ACSL6: variants seen among roughly 807,000 people sequenced by gnomAD.
ACSL6 encodes acyl-CoA synthetase long chain family member 6, also known as long-chain-fatty-acid--CoA ligase 6.
In ACSL6, 47 loss-of-function variants were observed where a neutral mutation model predicts 98.2. The observed-to-expected ratio is 0.48, with a 90% CI of 0.38 to 0.61. ACSL6 has a LOEUF of 0.61. Among genes scored for constraint, ACSL6 ranks in the 20% least tolerant of loss-of-function variants. The pLI, the probability that ACSL6 is intolerant of heterozygous loss-of-function variation, is 0.00. For missense variants in ACSL6, 761 were observed against 913.4 expected (o/e 0.83, Z 2.15); for synonymous variants, 362 against 336.9 (o/e 1.07, Z -0.82).
intron 1 of ACSL6, among the ~76,000 whole-genome samples, chr5:132,005,877 A>G (rs1352944822): frequency 6.6e-6 from 1 of 152,228 alleles, no homozygotes; most frequent in Non-Finnish European, 1.5e-5. Flanking sequence ...AGAGCTGCCC[A>G]GTCAACCTGG....
rs1416719789 is a variant in ACSL6 at position 131,994,189 on chromosome 5, G to T, written c.112C>A (p.Pro38Thr). The T allele has an allele frequency of 6.2e-7, 1 of 1,614,086 alleles. No individual in the cohort carries two copies. Among genetic ancestry groups the T allele is most frequent in the Non-Finnish European group, 8.5e-7 (1 of 1,180,040 alleles). Residue 38 changes from proline to threonine, a missense_variant, in exon 2 of 21, where the codon CCT (proline) becomes ACT (threonine). Physicochemically the swap from Pro to Thr is conservative, Grantham distance 38. Coordinates refer to ENST00000651883, the MANE Select transcript of ACSL6 (RefSeq NM_001009185.3). ...AACTGTCCCAAGTCACCTAGCTCAG[G>T]CAGTCGCAGTATCCTCAGGATCTCC... is the stretch of plus-strand genomic sequence containing the variant. ...TQEILRILRLPELGDLGQFFR... is the reference protein window; with the variant it reads ...TQEILRILRLTELGDLGQFFR...
chr5:131,979,595 T>A (rs907144551), intron 9 of ACSL6, among the ~76,000 whole-genome samples: 1 of 152,260 alleles, frequency 6.6e-6, no homozygotes, highest in Non-Finnish European at 1.5e-5. Context: ...TTTATACATG[T>A]CTAATGGCAT....
rs1272441384 is a variant in ACSL6, at chr5:131,951,517, C to T, written c.*2717G>A. The T allele has an allele frequency of 1.5e-5, 3 of 199,344 alleles. No homozygotes were observed. Among genetic ancestry groups the T allele is most frequent in the African/African-American group, 6.9e-5 (3 of 43,390 alleles). The allele number at this position is 199,344 out of a possible 1,614,324, so 12.3% of individuals were successfully genotyped here. ...ATTGGCCCAAGTGTGATGATTTCCACATAGACCTGGAAATCTAGAAATATA... is the reference window on the plus strand; with the variant it reads ...ATTGGCCCAAGTGTGATGATTTCCATATAGACCTGGAAATCTAGAAATATA... On this transcript the variant is annotated 3_prime_UTR_variant, in exon 21 of 21. Transcript: ENST00000651883.
At chr5:132,003,296 C>A (rs769549597) in intron 1 of ACSL6, among the ~76,000 whole-genome samples, 1 of 152,168 alleles carries the variant, frequency 6.6e-6, no homozygotes. Context: ...GGAGGTCAGG[C>A]GGCACAGCAG....
At position 131,950,587 on chromosome 5, in the gene ACSL6, T is replaced by C. The variant is rs2149664897; in HGVS notation, c.*3647A>G. On this transcript the variant is annotated 3_prime_UTR_variant, in exon 21 of 21. Coordinates refer to ENST00000651883, the MANE Select transcript of ACSL6 (RefSeq NM_001009185.3). ...ATACGGTTATTCATTCTTTTTTTCC[T>C]GAGATATTAAGCACATTTGTAAGTA... 5.1e-6 allele frequency: 1 copy of C among 195,112 alleles called. No individual in the cohort carries two copies. The highest frequency in any genetic ancestry group is 1.1e-5 in the Non-Finnish European group (1 of 93,730). The allele number at this position is 195,112 out of a possible 1,614,324, so 12.1% of individuals were successfully genotyped here. A position where few individuals can be genotyped will look rare whatever the true frequency, so the allele number is the denominator to read the frequency against.
rs1753641374 is a variant in ACSL6 at position 131,976,729 on chromosome 5, A to G, written c.917-8T>C. 6.2e-7 allele frequency: 1 copy of G among 1,613,786 alleles called. No homozygotes were observed. The highest frequency in any genetic ancestry group is 2.2e-5 in the East Asian group (1 of 44,876). The stretch of plus-strand genomic sequence containing the variant: ...TCGCACCTTTTGGGTTCCCTATAAA[A>G]AGAAAGCAAGAAGTCAAATTAGTTG... On this transcript the variant is annotated splice_region_variant and splice_polypyrimidine_tract_variant and intron_variant, in intron 9 of 20. Transcript: ENST00000651883.
chr5:132,010,075 C>A (rs1336221936), intron 1 of ACSL6, among the ~76,000 whole-genome samples: 2 of 152,210 alleles, frequency 1.3e-5, no homozygotes, highest in African/African-American at 4.8e-5. Context: ...TTACCTCCAA[C>A]CCCAGCTCTA....
chr5:131,954,314 G>C lies in ACSL6; in HGVS notation c.2089C>G (p.Pro697Ala), dbSNP rs748227368. 10 of 1,613,780 alleles carry C rather than the reference G, an allele frequency of 6.2e-6. No individual in the cohort carries two copies. The Admixed American group carries it at 1.3e-4, about 22-fold the overall frequency. Residue 697 changes from proline (P) to alanine (A), a missense_variant, in exon 21 of 21, where the codon CCA becomes GCA. By Grantham distance (27) the Pro-to-Ala change is conservative. Transcript: ENST00000651883. ...MFSVQNGLLT[P>A]TLKAKRPELR... ...TCAGGTCTCTTAGCTTTTAGTGTTG[G>C]TGTCAGCAAGCCATTTTGAACTGAG...
At chr5:131,963,235 G>T (rs955695715) in intron 17 of ACSL6, among the ~76,000 whole-genome samples, 1 of 152,136 alleles carries the variant, frequency 6.6e-6, no homozygotes, top group African/African-American at 2.4e-5. Flanking sequence ...GGCCCCTGTA[G>T]GACTTCTGCA....
At chr5:131,987,629 C>T (rs1754268448) in intron 7 of ACSL6, among the ~76,000 whole-genome samples, 1 of 152,228 alleles carries the variant, frequency 6.6e-6, no homozygotes, top group Non-Finnish European at 1.5e-5. Flanking sequence ...GGCACAGAAA[C>T]ATCCATTCTG....
Position 131,990,123 on chromosome 5 carries a change from A to G in ACSL6, c.427T>C (p.Tyr143His), listed in dbSNP as rs1211423538. The G allele has an allele frequency of 6.2e-7, 1 of 1,613,996 alleles. No individual in the cohort carries two copies. The highest frequency in any genetic ancestry group is 2.2e-5 in the East Asian group (1 of 44,878). ...CLGFRKPKQP[Y>H]QWLSYQEVAD... ...ACCTCCTGGTAGGACAGCCACTGGT[A>G]AGGCTGCTTAGGCTTCCTGAAACCA... Residue 143 changes from tyrosine (Y) to histidine (H), a missense_variant, in exon 4 of 21, where the codon TAC becomes CAC. Tyr to His is a moderately conservative substitution (Grantham distance 83). Transcript: ENST00000651883.
chr5:131,962,906 C>T (rs1389846619), intron 17 of ACSL6, among the ~76,000 whole-genome samples: 7 of 152,096 alleles, frequency 4.6e-5, no homozygotes, highest in Admixed American at 4.6e-4. Context: ...ATCCACTGTC[C>T]TTTCCCCTCA....
At chr5:131,965,890 T>C (rs1223563369) in intron 17 of ACSL6, among the ~76,000 whole-genome samples, 1 of 152,188 alleles carries the variant, frequency 6.6e-6, no homozygotes, top group African/African-American at 2.4e-5. Flanking sequence ...TGTTCTCCTG[T>C]TCTATAAGTG....
At position 132,008,005 on chromosome 5, in the gene ACSL6, T is replaced by C. The variant is rs1463766226; in HGVS notation, c.49+3500A>G. On this transcript the variant is annotated intron_variant, in intron 1 of 20. Transcript: ENST00000651883. ...GGGACAGAACAATAGCTGGAGAGCA[T>C]AATGACTGGGTTCTGCTGCCCCCTG... is the stretch of plus-strand genomic sequence containing the variant. Among the ~76,000 whole-genome samples, 9 of 152,280 alleles carry C rather than the reference T, an allele frequency of 5.9e-5. No homozygotes were observed. The South Asian group carries it at 1.9e-3, about 32-fold the overall frequency.
intron 17 of ACSL6, among the ~76,000 whole-genome samples, chr5:131,963,803 G>A (rs1178916215): frequency 6.6e-6 from 1 of 152,122 alleles, no homozygotes; most frequent in Non-Finnish European, 1.5e-5. Context: ...AGCAGACTCT[G>A]TTTTGCTCAA....
chr5:131,975,114 G>C, intron 10 of ACSL6, 144 bp from the exon 11 acceptor site: 3 of 1,421,298 alleles, frequency 2.1e-6, no homozygotes, highest in South Asian at 3.0e-5. Flanking sequence ...AGGACAGAGA[G>C]AGAGGTGAGA....
intron 9 of ACSL6, among the ~76,000 whole-genome samples, chr5:131,977,892 G>A (rs959139924): frequency 6.6e-6 from 1 of 151,788 alleles, no homozygotes; most frequent in Non-Finnish European, 1.5e-5. Context: ...GAGAGAGAGA[G>A]AACTTTTTTT....
intron 1 of ACSL6, 40 bp from the exon 2 acceptor site, chr5:131,994,291 G>T (rs770653253): frequency 1.3e-6 from 2 of 1,535,298 alleles, no homozygotes; most frequent in African/African-American, 2.7e-5. Flanking sequence ...GAGACCTGAC[G>T]GGCAGGTTAG....
chr5:131,974,372 T>C (rs73786735), intron 11 of ACSL6, among the ~76,000 whole-genome samples: 5,380 of 152,334 alleles, frequency 0.035, 314 homozygotes, highest in African/African-American at 0.12. Flanking sequence ...ACTTTACTCT[T>C]TTGTTTTCTC....
Sources: gnomAD v4.1 joint callset for allele counts (sites outside exome capture counted in the v4.1 genomes callset) on GRCh38, gnomAD v4.1.1 for gene constraint, MANE v1.5 for transcripts, NCBI Gene and HGNC (gene_info 2026-07-23, HGNC 2026-07-21) for gene names.